ADAM10: variants seen among roughly 807,000 people sequenced by gnomAD.
ADAM10 encodes ADAM metallopeptidase domain 10.
In ADAM10, 17 loss-of-function variants were observed where a neutral mutation model predicts 90.1. The ratio of observed to expected loss-of-function variants is 0.19; its 90% CI spans 0.13 to 0.28. The LOEUF is 0.28. Ranked by LOEUF, ADAM10 falls within the 10% of genes least tolerant of loss-of-function variation. ADAM10 has a pLI of 1.00. For missense variants in ADAM10, 610 were observed against 914.3 expected, an observed-to-expected ratio of 0.67 and a Z score of 4.29; for synonymous variants, 310 against 298.6, an observed-to-expected ratio of 1.04 and a Z score of -0.40.
At position 58,637,475 on chromosome 15, in the gene ADAM10, A is replaced by G. The variant is rs529202919; in HGVS notation, c.1012+3302T>C. 1.1e-4 allele frequency among the ~76,000 whole-genome samples: 16 copies of G among 152,338 alleles called. 1 individual carries two copies. The highest frequency in any genetic ancestry group is 1.3e-4 in the Non-Finnish European group (9 of 68,032). Reference sequence around the variant, plus strand: ...TGAATTTACAGACAGAAAACACACAAGAATCCTGTCTCCCAGCTCTCAGTC... The same window carrying G: ...TGAATTTACAGACAGAAAACACACAGGAATCCTGTCTCCCAGCTCTCAGTC... On this transcript the variant is annotated intron_variant, in intron 8 of 15. Transcript: ENST00000260408.
intron 2 of ADAM10, among the ~76,000 whole-genome samples, chr15:58,689,147 A>G (rs1296010813): frequency 6.6e-6 from 1 of 152,156 alleles, no homozygotes; most frequent in African/African-American, 2.4e-5. Flanking sequence ...AAATCCATCA[A>G]AGAGACTGAT....
At chr15:58,603,890 A>G (rs1895187764) in intron 14 of ADAM10, among the ~76,000 whole-genome samples, 1 of 151,300 alleles carries the variant, frequency 6.6e-6, no homozygotes, top group Admixed American at 6.6e-5. Context: ...AAAAAAAAAA[A>G]AAAAAAAAAA....
At chr15:58,653,670 A>G (rs537381954) in intron 5 of ADAM10, among the ~76,000 whole-genome samples, 1 of 151,820 alleles carries the variant, frequency 6.6e-6, no homozygotes. Context: ...ATGGCCTGTC[A>G]TTTTCTTTTT....
In ADAM10 at chr15:58,692,018, T is replaced by C. The variant is rs757044049; in HGVS notation, c.207-9704A>G. 3.1e-4 allele frequency: 142 copies of C among 460,454 alleles called. 1 individual carries two copies. The highest frequency in any genetic ancestry group is 1.5e-3 in the South Asian group (95 of 64,968). The allele number at this position is 460,454 out of a possible 1,614,324, so 28.5% of individuals were successfully genotyped here. ...TTTTTGCAAATGACTTCCAAGATTT[T>C]GCTCTGCTGGAGCATTTCCCGGGAG... On this transcript the variant is annotated intron_variant, in intron 2 of 15. Coordinates refer to ENST00000260408, the MANE Select transcript of ADAM10 (RefSeq NM_001110.4).
intron 2 of ADAM10, among the ~76,000 whole-genome samples, chr15:58,705,052 T>C (rs776502514): frequency 4.6e-5 from 7 of 152,174 alleles, no homozygotes; most frequent in African/African-American, 7.2e-5. Flanking sequence ...ATAACCTAAT[T>C]TGGCTTTCAC....
chr15:58,684,625 C>A (rs928459728), intron 2 of ADAM10, among the ~76,000 whole-genome samples: 1 of 152,208 alleles, frequency 6.6e-6, no homozygotes, highest in East Asian at 1.9e-4. Flanking sequence ...CACATTCCTA[C>A]GCATCTCTTC....
chr15:58,723,800 T>C (rs1898940107), intron 1 of ADAM10, among the ~76,000 whole-genome samples: 1 of 151,570 alleles, frequency 6.6e-6, no homozygotes. Context: ...GAACATAACA[T>C]TGTAAAAACA....
chr15:58,605,297 C>T (rs993769466), intron 14 of ADAM10, among the ~76,000 whole-genome samples: 6 of 152,142 alleles, frequency 3.9e-5, no homozygotes, highest in Admixed American at 2.0e-4. Flanking sequence ...AAGCCCAATG[C>T]TTGAGATGTT....
intron 2 of ADAM10, among the ~76,000 whole-genome samples, chr15:58,697,204 A>C (rs1261860475): frequency 6.6e-6 from 1 of 152,204 alleles, no homozygotes; most frequent in East Asian, 1.9e-4. Flanking sequence ...TGCTGCCCCA[A>C]GCAGTGGAGC....
intron 1 of ADAM10, among the ~76,000 whole-genome samples, chr15:58,731,561 G>C (rs939671578): frequency 2.0e-5 from 3 of 152,170 alleles, no homozygotes; most frequent in Non-Finnish European, 4.4e-5. Context: ...CCACGAAGTC[G>C]AGGCTGGGGT....
chr15:58,620,664 T>A (rs1895754791), intron 11 of ADAM10, among the ~76,000 whole-genome samples: 1 of 76,912 alleles, frequency 1.3e-5, no homozygotes, highest in Non-Finnish European at 2.1e-5. Flanking sequence ...ATATGTATTT[T>A]TTTTTTTTTT....
chr15:58,633,444 C>T (rs1450635128), intron 8 of ADAM10, 85 bp from the exon 9 acceptor site: 2 of 1,174,846 alleles, frequency 1.7e-6, no homozygotes, highest in South Asian at 1.3e-5. Context: ...TAAATGAAAA[C>T]ATTTTATATT....
intron 11 of ADAM10, among the ~76,000 whole-genome samples, chr15:58,612,677 T>C (rs1895478214): frequency 6.6e-6 from 1 of 152,108 alleles, no homozygotes; most frequent in Non-Finnish European, 1.5e-5. Flanking sequence ...TCCTATTGGC[T>C]CAGGCTCCGA....
At chr15:58,614,696 AG>A (rs1374346290) in intron 11 of ADAM10, among the ~76,000 whole-genome samples, 1 of 152,236 alleles carries the variant, frequency 6.6e-6, no homozygotes, top group Non-Finnish European at 1.5e-5. Context: ...AAGCAAAAAT[AG>A]GAAATTCATC....
At chr15:58,686,664 T>C (rs1596067492) in intron 2 of ADAM10, 2 of 721,296 alleles carry the variant, frequency 2.8e-6, no homozygotes, top group East Asian at 5.3e-5. Flanking sequence ...AAGCACAAAG[T>C]GATGAATGAC....
chr15:58,620,658 G>GTTT (rs1365262711), intron 11 of ADAM10, among the ~76,000 whole-genome samples: 1 of 51,632 alleles, frequency 1.9e-5, no homozygotes, highest in African/African-American at 2.0e-4. Context: ...TAAAGAATAT[G>GTTT]TATTTTTTTT....
chr15:58,605,974 G>T (rs1566964768), intron 14 of ADAM10, among the ~76,000 whole-genome samples: 2 of 152,114 alleles, frequency 1.3e-5, no homozygotes, highest in African/African-American at 4.8e-5. Context: ...AAGTGCATGA[G>T]CGAGGACAGG....
Position 58,638,571 on chromosome 15 carries a change from C to T in ADAM10, c.1012+2206G>A, listed in dbSNP as rs188936187. 1.2e-4 allele frequency among the ~76,000 whole-genome samples: 17 copies of T among 146,708 alleles called. No homozygotes were observed. The East Asian group carries it at 2.6e-3, about 23-fold the overall frequency. On this transcript the variant is annotated intron_variant, in intron 8 of 15. Transcript: ENST00000260408. ...TGGAGGTTGCAGTGAGCGGAGATCG[C>T]GCCACTGCACTCCAGCCTGGGTGAC...
intron 8 of ADAM10, among the ~76,000 whole-genome samples, chr15:58,637,705 T>C (rs896384250): frequency 2.7e-4 from 41 of 152,074 alleles, no homozygotes; most frequent in African/African-American, 8.9e-4. Context: ...TGTGTGTGTG[T>C]AGATTGTATT....
Sources: allele counts gnomAD v4.1 joint callset (sites outside exome capture counted in the v4.1 genomes callset), GRCh38; gene constraint gnomAD v4.1.1; transcripts MANE v1.5; gene names NCBI Gene and HGNC (gene_info 2026-07-23, HGNC 2026-07-21).